The following CNTNAP2 variants were observed in gnomAD, a reference collection of about 807,000 sequenced individuals.
CNTNAP2 encodes the protein contactin-associated protein-like 2.
CNTNAP2 carries 98 observed loss-of-function variants against 155.2 expected under a neutral mutation model. The observed-to-expected ratio is 0.63, with a 90% CI of 0.54 to 0.75. The LOEUF is 0.75. CNTNAP2 is among the 30% of genes least tolerant of loss of function. The pLI is 0.00. For synonymous variants in CNTNAP2, 651 were observed against 631.2 expected (o/e 1.03, Z -0.47); for missense variants, 1,727 against 1,688.1 (o/e 1.02, Z -0.40).
chr7:146,162,131 G>A (rs1356118013), intron 1 of CNTNAP2, among the ~76,000 whole-genome samples: 1 of 152,152 alleles, frequency 6.6e-6, no homozygotes, highest in African/African-American at 2.4e-5. Flanking sequence ...AACACCAAAA[G>A]CAATGGCAAC....
intron 4 of CNTNAP2, among the ~76,000 whole-genome samples, chr7:147,105,812 G>A (rs1396084940): frequency 6.6e-6 from 1 of 151,932 alleles, no homozygotes; most frequent in Non-Finnish European, 1.5e-5. Flanking sequence ...TCTTTGTAGG[G>A]AATCTAGGTT....
chr7:148,203,268 CAG>C (rs1206752584), intron 18 of CNTNAP2, among the ~76,000 whole-genome samples: 2 of 152,104 alleles, frequency 1.3e-5, no homozygotes, highest in African/African-American at 4.8e-5. Context: ...TTAATTCAAA[CAG>C]TGTACATTGC....
intron 1 of CNTNAP2, among the ~76,000 whole-genome samples, chr7:146,232,504 G>A (rs1051954459): frequency 6.6e-6 from 1 of 152,078 alleles, no homozygotes; most frequent in African/African-American, 2.4e-5. Flanking sequence ...AAATCTTTGA[G>A]CCAGAGATTC....
At chr7:147,900,866 C>A (rs1162988007) in intron 13 of CNTNAP2, among the ~76,000 whole-genome samples, 1 of 152,172 alleles carries the variant, frequency 6.6e-6, no homozygotes, top group Non-Finnish European at 1.5e-5. Flanking sequence ...TTCTGGTTTG[C>A]CCTGATAGTT....
At chr7:146,668,465 T>C (rs1276000387) in intron 1 of CNTNAP2, among the ~76,000 whole-genome samples, 1 of 151,382 alleles carries the variant, frequency 6.6e-6, no homozygotes, top group Admixed American at 6.6e-5. Flanking sequence ...TGTGTGTGTG[T>C]GTGTGTGTCC....
intron 12 of CNTNAP2, 37 bp from the exon 13 acceptor site, chr7:147,639,068 CT>C (rs777216966): frequency 1.3e-6 from 2 of 1,596,732 alleles, no homozygotes; most frequent in Middle Eastern, 1.7e-4. Context: ...CATTTGCATA[CT>C]AATGATCCAG....
At chr7:147,169,607 A>G (rs1489402235) in intron 8 of CNTNAP2, among the ~76,000 whole-genome samples, 1 of 147,824 alleles carries the variant, frequency 6.8e-6, no homozygotes, top group African/African-American at 2.5e-5. Flanking sequence ...TAAAGGACAC[A>G]ATTTCATTAA....
intron 1 of CNTNAP2, among the ~76,000 whole-genome samples, chr7:146,579,835 C>G (rs1054868278): frequency 6.6e-6 from 1 of 152,092 alleles, no homozygotes. Context: ...AAAATAACAG[C>G]TTGCCTTGAA....
chr7:146,346,173 A>G (rs575646177), intron 1 of CNTNAP2, among the ~76,000 whole-genome samples: 1 of 152,164 alleles, frequency 6.6e-6, no homozygotes, highest in Non-Finnish European at 1.5e-5. Context: ...TGGACCTGGT[A>G]CCTGTAGTGG....
chr7:147,622,237 G>A (rs1028382455), intron 12 of CNTNAP2, among the ~76,000 whole-genome samples: 1 of 151,796 alleles, frequency 6.6e-6, no homozygotes, highest in Non-Finnish European at 1.5e-5. Flanking sequence ...TTCTGGACAG[G>A]TAATAAACAA....
intron 1 of CNTNAP2, among the ~76,000 whole-genome samples, chr7:146,381,518 C>A (rs1273147009): frequency 6.6e-6 from 1 of 152,042 alleles, no homozygotes; most frequent in East Asian, 1.9e-4. Context: ...AATAACAGTA[C>A]CTACCTTGTA....
chr7:146,607,828 T>C (rs1267094234), intron 1 of CNTNAP2, among the ~76,000 whole-genome samples: 2 of 152,222 alleles, frequency 1.3e-5, no homozygotes, highest in East Asian at 3.9e-4. Context: ...TTGTCACAAT[T>C]TTATCATCCA....
chr7:148,279,245 G>C (rs1435400110), intron 21 of CNTNAP2, among the ~76,000 whole-genome samples: 1 of 152,216 alleles, frequency 6.6e-6, no homozygotes, highest in African/African-American at 2.4e-5. Context: ...GGGCAGGATG[G>C]ACACTAAGAG....
At position 146,816,322 on chromosome 7, in the gene CNTNAP2, G is replaced by C. The variant is rs140997722; in HGVS notation, c.209-23389G>C. The stretch of plus-strand genomic sequence containing the variant: ...CCTGGGATGAAGGGAAAGGTAGAGA[G>C]GAGGCAGAGAAGAAATGCCCTGAGG... On this transcript the variant is annotated intron_variant, in intron 2 of 23. Transcript: ENST00000361727. 1.9e-3 allele frequency among the ~76,000 whole-genome samples: 293 copies of C among 152,270 alleles called. 2 individuals are homozygous for C. The highest frequency in any genetic ancestry group is 6.5e-3 in the African/African-American group (271 of 41,552).
chr7:146,357,011 C>T (rs565302937), intron 1 of CNTNAP2, among the ~76,000 whole-genome samples: 4 of 152,238 alleles, frequency 2.6e-5, no homozygotes, highest in African/African-American at 9.6e-5. Flanking sequence ...CGACAGCATC[C>T]AACGTGCAAT....
At chr7:147,546,922 C>G (rs190983057) in intron 11 of CNTNAP2, among the ~76,000 whole-genome samples, 2 of 152,188 alleles carry the variant, frequency 1.3e-5, no homozygotes, top group African/African-American at 4.8e-5. Context: ...GAGACTAACC[C>G]TGCTCTGCAG....
chr7:147,533,555 A>C (rs1354935765), intron 11 of CNTNAP2, among the ~76,000 whole-genome samples: 1 of 152,140 alleles, frequency 6.6e-6, no homozygotes, highest in East Asian at 1.9e-4. Context: ...GTCAAAATGC[A>C]GGTAACATTT....
At chr7:148,003,959 A>G (rs1320146299) in intron 15 of CNTNAP2, among the ~76,000 whole-genome samples, 1 of 152,222 alleles carries the variant, frequency 6.6e-6, no homozygotes, top group African/African-American at 2.4e-5. Flanking sequence ...AAAAATATCT[A>G]TTACAACTCT....
chr7:146,946,029 A>C (rs1469075673), intron 3 of CNTNAP2, among the ~76,000 whole-genome samples: 1 of 152,004 alleles, frequency 6.6e-6, no homozygotes, highest in Non-Finnish European at 1.5e-5. Flanking sequence ...GTTTTCTACC[A>C]ATAAGTTTAA....
Sources: gnomAD v4.1 joint callset for allele counts (sites outside exome capture counted in the v4.1 genomes callset) on GRCh38, gnomAD v4.1.1 for gene constraint, MANE v1.5 for transcripts, NCBI Gene and HGNC (gene_info 2026-07-23, HGNC 2026-07-21) for gene names.